LPAR3: variants seen among roughly 807,000 people sequenced by gnomAD.
The protein encoded by LPAR3 is lysophosphatidic acid receptor 3.
In LPAR3, 7 loss-of-function variants were observed where a neutral mutation model predicts 17.8. That is an observed-to-expected ratio of 0.39 (90% confidence interval 0.22 to 0.74). The LOEUF (loss-of-function observed/expected upper bound fraction) is 0.74. LPAR3 is among the 30% of genes least tolerant of loss of function. The pLI is 0.40. For missense variants in LPAR3, 391 were observed against 453.4 expected, an observed-to-expected ratio of 0.86 and a Z score of 1.25; for synonymous variants, 179 against 179.9, an observed-to-expected ratio of 0.99 and a Z score of 0.04.
intron 2 of LPAR3, among the ~76,000 whole-genome samples, chr1:84,859,861 G>A (rs574092031): frequency 6.6e-6 from 1 of 152,332 alleles, no homozygotes; most frequent in East Asian, 1.9e-4. Context: ...AAACATTTCT[G>A]TGTGCACAGT....
chr1:84,865,525 A>G lies in LPAR3; in HGVS notation c.596T>C (p.Phe199Ser). Residue 199 changes from phenylalanine (F) to serine (S), a missense_variant, in exon 2 of 3, where the codon TTC becomes TCC. Coordinates refer to ENST00000370611, the MANE Select transcript of LPAR3 (RefSeq NM_012152.3). ...VFWTVSNLMAFLIMVVVYLRI... is the reference protein window; with the variant it reads ...VFWTVSNLMASLIMVVVYLRI... ...CAGGTACACCACAACCATGATGAGG[A>G]AGGCCATGAGGTTGGACACTGTCCA... The G allele has an allele frequency of 1.2e-6, 2 of 1,614,216 alleles. No individual in the cohort carries two copies. Among genetic ancestry groups the G allele is most frequent in the Non-Finnish European group, 1.7e-6 (2 of 1,180,042 alleles).
chr1:84,859,516 C>T (rs779560470), intron 2 of LPAR3, among the ~76,000 whole-genome samples: 3 of 152,158 alleles, frequency 2.0e-5, no homozygotes, highest in Non-Finnish European at 2.9e-5. Context: ...GTTTTTCAAA[C>T]GTTCTTGACG....
chr1:84,830,357 A>T (rs984016099), intron 2 of LPAR3, among the ~76,000 whole-genome samples: 4 of 152,180 alleles, frequency 2.6e-5, no homozygotes, highest in Non-Finnish European at 5.9e-5. Flanking sequence ...GGAGGGAAAG[A>T]GGCAAATTAG....
chr1:84,889,050 G>A (rs994499083), intron 1 of LPAR3, among the ~76,000 whole-genome samples: 2 of 152,056 alleles, frequency 1.3e-5, no homozygotes, highest in African/African-American at 4.8e-5. Flanking sequence ...AGGGGTCATG[G>A]GCAAGGGAGG....
At chr1:84,867,619 T>C (rs1012950335) in intron 1 of LPAR3, among the ~76,000 whole-genome samples, 22 of 152,032 alleles carry the variant, frequency 1.4e-4, no homozygotes, top group Non-Finnish European at 5.9e-5. Flanking sequence ...CCATAGCAAA[T>C]GGGAGGTAAA....
In LPAR3 at chr1:84,886,962, C is replaced by T. The variant is rs544457074; in HGVS notation, c.-19+6054G>A. Among the ~76,000 whole-genome samples, 5 of 152,234 alleles carry T rather than the reference C, an allele frequency of 3.3e-5. No homozygotes were observed. In the South Asian group the frequency reaches 8.3e-4, roughly 25 times the overall value. On this transcript the variant is annotated intron_variant, in intron 1 of 2. Transcript: ENST00000370611. ...TCGTGAGACTTCAACTTATTGAATA[C>T]ATAAGGAATCCATGAACAGTTCTTA...
At position 84,865,779 on chromosome 1, in the gene LPAR3, A is replaced by T. The variant is rs41289037; in HGVS notation, c.342T>A (p.Thr114=). 3.0e-5 allele frequency: 48 copies of T among 1,614,116 alleles called. No individual in the cohort carries two copies. Among genetic ancestry groups the T allele is most frequent in the Non-Finnish European group, 4.0e-5 (47 of 1,180,054 alleles). The change falls in exon 2 of 3, where the codon ACT becomes ACA. Residue 114 remains threonine (T), a synonymous_variant. Coordinates refer to ENST00000370611, the MANE Select transcript of LPAR3 (RefSeq NM_012152.3). ...LRQGLLDSSL[T]ASLTNLLVIA... is the part of the protein sequence containing the mutation. ...TAACCAGCAAGTTGGTGAGGGAAGCAGTCAAGCTACTGTCCAGAAGCCCCT... is the reference window on the plus strand; with the variant it reads ...TAACCAGCAAGTTGGTGAGGGAAGCTGTCAAGCTACTGTCCAGAAGCCCCT...
At position 84,866,019 on chromosome 1, in the gene LPAR3, CAA is replaced by C. The variant is rs1480829590; in HGVS notation, c.100_101del (p.Leu34ValfsTer14). 2.5e-6 allele frequency: 4 copies of C among 1,614,008 alleles called. No homozygotes were observed. The highest frequency in any genetic ancestry group is 3.4e-6 in the Non-Finnish European group (4 of 1,180,018). The stretch of plus-strand genomic sequence containing the variant: ...ACAGGCAGAAAAACGTCCCAACACA[CAA>C]AACAATCACAAGCTTTGTTCCTGTC... ...DWTGTKLVIVLCVGTFFCLFI... is the reference protein window; with the variant it reads ...DWTGTKLVIVXCVGTFFCLFI... On this transcript the variant is annotated frameshift_variant, in exon 2 of 3. Coordinates refer to ENST00000370611, the MANE Select transcript of LPAR3 (RefSeq NM_012152.3). LOFTEE classifies it high-confidence loss of function.
chr1:84,870,252 T>C (rs1660133607), intron 1 of LPAR3, among the ~76,000 whole-genome samples: 1 of 152,248 alleles, frequency 6.6e-6, no homozygotes, highest in South Asian at 2.1e-4. Context: ...AGAGAGCCCT[T>C]GGTTTACCTC....
chr1:84,866,257 T>G (rs1407620160), intron 1 of LPAR3, 119 bp from the exon 2 acceptor site: 12 of 723,200 alleles, frequency 1.7e-5, no homozygotes, highest in Non-Finnish European at 2.6e-5. Flanking sequence ...AGACCTGAAG[T>G]GTCAGGTCTC....
At chr1:84,858,112 A>T (rs1164741206) in intron 2 of LPAR3, among the ~76,000 whole-genome samples, 2 of 152,126 alleles carry the variant, frequency 1.3e-5, no homozygotes, top group Non-Finnish European at 2.9e-5. Flanking sequence ...AAAAATGCTC[A>T]TTTCTTTTCT....
At chr1:84,827,079 AT>A (rs1222960876) in intron 2 of LPAR3, among the ~76,000 whole-genome samples, 5 of 152,222 alleles carry the variant, frequency 3.3e-5, no homozygotes, top group African/African-American at 9.6e-5. Flanking sequence ...ACCGCAATGC[AT>A]TTTGTATGAG....
chr1:84,867,882 CTATTA>C (rs1450276551), intron 1 of LPAR3, among the ~76,000 whole-genome samples: 1 of 152,134 alleles, frequency 6.6e-6, no homozygotes, highest in Non-Finnish European at 1.5e-5. Flanking sequence ...TCACAATATT[CTATTA>C]TATGAATAGG....
At chr1:84,868,108 G>A (rs1321318746) in intron 1 of LPAR3, among the ~76,000 whole-genome samples, 1 of 149,928 alleles carries the variant, frequency 6.7e-6, no homozygotes, top group Non-Finnish European at 1.5e-5. Flanking sequence ...ACTTAAGAGA[G>A]ATAGCATTTT....
intron 2 of LPAR3, among the ~76,000 whole-genome samples, chr1:84,834,852 A>G (rs1474969212): frequency 2.0e-5 from 3 of 152,178 alleles, no homozygotes; most frequent in African/African-American, 7.2e-5. Flanking sequence ...AAGGGTCATC[A>G]ACATCTACTT....
chr1:84,834,377 A>C (rs1659354629), intron 2 of LPAR3, among the ~76,000 whole-genome samples: 1 of 152,240 alleles, frequency 6.6e-6, no homozygotes, highest in African/African-American at 2.4e-5. Flanking sequence ...TACTAATAAG[A>C]GTAGAATTTG....
chr1:84,882,019 G>A (rs1660375396), intron 1 of LPAR3, among the ~76,000 whole-genome samples: 1 of 152,160 alleles, frequency 6.6e-6, no homozygotes, highest in Non-Finnish European at 1.5e-5. Context: ...AAGTCATACA[G>A]ATTGGAAACA....
At chr1:84,825,380 T>C (rs72718708) in intron 2 of LPAR3, among the ~76,000 whole-genome samples, 17,890 of 152,208 alleles carry the variant, frequency 0.12, 1,400 homozygotes, top group Middle Eastern at 0.21. Flanking sequence ...TCACTGGGAA[T>C]AGCAAGATAA....
rs1658843898 is a variant in LPAR3, at chr1:84,812,983, C to T, written c.*863G>A. ...GAGGGAAAATGAGAACTAATGTGGA[C>T]TGGCGGGAGGCAGTCTGGGGCGGTA... On this transcript the variant is annotated 3_prime_UTR_variant, in exon 3 of 3. Transcript: ENST00000370611. 1 of 151,466 alleles carries T rather than the reference C, an allele frequency of 6.6e-6. No individual in the cohort carries two copies. The allele number at this position is 151,466 out of a possible 1,614,324, so 9.4% of individuals were successfully genotyped here. A position where few individuals can be genotyped will look rare whatever the true frequency, so the allele number is the denominator to read the frequency against.
Sources: allele counts gnomAD v4.1 joint callset (sites outside exome capture counted in the v4.1 genomes callset), GRCh38; gene constraint gnomAD v4.1.1; transcripts MANE v1.5; gene names NCBI Gene and HGNC (gene_info 2026-07-23, HGNC 2026-07-21).